Variants in DSCAM observed in about 807,000 individuals in gnomAD.
DSCAM encodes the protein DS cell adhesion molecule, also known as cell adhesion molecule DSCAM.
In DSCAM, 47 loss-of-function variants were observed where a neutral mutation model predicts 217.7. That is an observed-to-expected ratio of 0.22 (90% CI 0.17 to 0.28). DSCAM has a LOEUF of 0.28. Among genes scored for constraint, DSCAM ranks in the 10% least tolerant of loss-of-function variants. DSCAM has a pLI of 1.00. For missense variants in DSCAM, 2,080 were observed against 2,618.3 expected (o/e 0.79, Z 4.49); for synonymous variants, 1,056 against 1,015.3 (o/e 1.04, Z -0.76).
chr21:40,325,347 C>A (rs1241624850), intron 8 of DSCAM, among the ~76,000 whole-genome samples: 3 of 151,856 alleles, frequency 2.0e-5, no homozygotes, highest in East Asian at 3.9e-4. Flanking sequence ...TATATTGGAC[C>A]CCAGCTTTAC....
chr21:40,601,277 T>C (rs141191136), intron 3 of DSCAM, among the ~76,000 whole-genome samples: 568 of 152,322 alleles, frequency 3.7e-3, no homozygotes, highest in Non-Finnish European at 6.2e-3. Flanking sequence ...TTGGTGCTAA[T>C]AGAAATTATA....
At chr21:40,686,408 CGT>C (rs1360647118) in intron 3 of DSCAM, among the ~76,000 whole-genome samples, 2 of 151,754 alleles carry the variant, frequency 1.3e-5, no homozygotes, top group African/African-American at 4.8e-5. Context: ...ACCACACACA[CGT>C]ATGCACACAC....
intron 30 of DSCAM, among the ~76,000 whole-genome samples, chr21:40,047,305 C>G (rs2088857381): frequency 6.6e-6 from 1 of 152,046 alleles, no homozygotes; most frequent in African/African-American, 2.4e-5. Flanking sequence ...CACAGGAAGC[C>G]TTTTTTGTGT....
intron 32 of DSCAM, among the ~76,000 whole-genome samples, chr21:40,021,476 T>C (rs1184022246): frequency 6.6e-6 from 1 of 152,094 alleles, no homozygotes; most frequent in Non-Finnish European, 1.5e-5. Flanking sequence ...GGGGCACCCA[T>C]TTCTCATTCT....
intron 11 of DSCAM, among the ~76,000 whole-genome samples, chr21:40,246,539 T>C (rs1461643239): frequency 6.8e-6 from 1 of 148,080 alleles, no homozygotes; most frequent in African/African-American, 2.5e-5. Context: ...AGACTCTATA[T>C]CAAAGAAAAA....
chr21:40,242,814 C>T (rs2073171377), intron 11 of DSCAM, among the ~76,000 whole-genome samples: 1 of 152,210 alleles, frequency 6.6e-6, no homozygotes, highest in African/African-American at 2.4e-5. Context: ...TTTGTTTAAG[C>T]AGCTAAGAAG....
intron 3 of DSCAM, among the ~76,000 whole-genome samples, chr21:40,511,710 G>C (rs1269990139): frequency 1.3e-5 from 2 of 151,942 alleles, no homozygotes; most frequent in Non-Finnish European, 2.9e-5. Context: ...AAGTATTCTC[G>C]GCCGGGCGCG....
intron 3 of DSCAM, among the ~76,000 whole-genome samples, chr21:40,649,241 T>C (rs930918206): frequency 8.5e-5 from 13 of 152,122 alleles, no homozygotes; most frequent in Non-Finnish European, 1.5e-4. Context: ...CCAACCCCAA[T>C]TCCTCAAGGT....
intron 1 of DSCAM, among the ~76,000 whole-genome samples, chr21:40,733,357 C>T (rs1039449933): frequency 3.3e-5 from 5 of 152,184 alleles, no homozygotes; most frequent in Admixed American, 6.5e-5. Flanking sequence ...TTTGGTGAGA[C>T]CTCACATTGG....
chr21:40,532,700 T>A (rs2076457120), intron 3 of DSCAM, among the ~76,000 whole-genome samples: 1 of 151,950 alleles, frequency 6.6e-6, no homozygotes, highest in South Asian at 2.1e-4. Flanking sequence ...TGAGGGGACA[T>A]AAGTACAGAG....
chr21:40,167,022 G>C (rs1434036551), intron 16 of DSCAM, among the ~76,000 whole-genome samples, 196 bp downstream of exon 16: 1 of 151,238 alleles, frequency 6.6e-6, no homozygotes, highest in Non-Finnish European at 1.5e-5. Flanking sequence ...TTTATTCTCT[G>C]AGACACAGAA....
At chr21:40,829,203 A>T (rs2091993500) in intron 1 of DSCAM, among the ~76,000 whole-genome samples, 1 of 152,220 alleles carries the variant, frequency 6.6e-6, no homozygotes, top group African/African-American at 2.4e-5. Flanking sequence ...GTGGGTGTGT[A>T]TTGGAGAGCA....
At chr21:40,369,893 A>C (rs1200548525) in intron 3 of DSCAM, among the ~76,000 whole-genome samples, 1 of 152,176 alleles carries the variant, frequency 6.6e-6, no homozygotes, top group Non-Finnish European at 1.5e-5. Flanking sequence ...CTTAATCACT[A>C]ATTTTTAAAG....
At chr21:40,311,501 A>AT (rs1569056657) in intron 9 of DSCAM, among the ~76,000 whole-genome samples, 1 of 152,178 alleles carries the variant, frequency 6.6e-6, no homozygotes, top group East Asian at 1.9e-4. Context: ...CCCTATTTTA[A>AT]TTTTTTTGAA....
intron 3 of DSCAM, among the ~76,000 whole-genome samples, chr21:40,479,870 A>C (rs1426065806): frequency 2.6e-5 from 4 of 152,160 alleles, no homozygotes; most frequent in African/African-American, 9.7e-5. Flanking sequence ...AAATATTTTG[A>C]ATCTTATTTT....
intron 1 of DSCAM, among the ~76,000 whole-genome samples, chr21:40,748,755 C>T (rs1377136889): frequency 6.6e-6 from 1 of 151,964 alleles, no homozygotes; most frequent in Non-Finnish European, 1.5e-5. Flanking sequence ...TATGGAAATG[C>T]AAAAGATCCT....
intron 3 of DSCAM, among the ~76,000 whole-genome samples, chr21:40,628,900 AC>A (rs2089642468): frequency 6.6e-6 from 1 of 152,066 alleles, no homozygotes; most frequent in African/African-American, 2.4e-5. Flanking sequence ...GGCATGCACC[AC>A]CATGTAGCTA....
chr21:40,097,416 A>C (rs1201543591), intron 20 of DSCAM, among the ~76,000 whole-genome samples: 3 of 152,192 alleles, frequency 2.0e-5, no homozygotes, highest in Non-Finnish European at 4.4e-5. Context: ...TGAACTAATA[A>C]GATAAATAAA....
chr21:40,704,037 C>CATT lies in DSCAM; in HGVS notation c.361+4414_361+4416dup, dbSNP rs554124363. Among the ~76,000 whole-genome samples the CATT allele has an allele frequency of 2.2e-3, 341 of 152,206 alleles. 2 individuals carry two copies. Among genetic ancestry groups the CATT allele is most frequent in the African/African-American group, 7.7e-3 (320 of 41,524 alleles). On this transcript the variant is annotated intron_variant, in intron 2 of 32. Transcript: ENST00000400454. ...TTGTGACAATAAACTCATATTTATA[C>CATT]ATTATTATTATTAACTAAAGTCCAT... is the stretch of plus-strand genomic sequence containing the variant.
Sources: gnomAD v4.1 joint callset for allele counts (sites outside exome capture counted in the v4.1 genomes callset) on GRCh38, gnomAD v4.1.1 for gene constraint, MANE v1.5 for transcripts, NCBI Gene and HGNC (gene_info 2026-07-23, HGNC 2026-07-21) for gene names.